Variants in MYO10 observed in about 807,000 individuals in gnomAD.
The protein encoded by MYO10 is myosin X, also known as unconventional myosin-X.
A neutral mutation model predicts 257.3 loss-of-function variants in MYO10; 133 were observed. That is an observed-to-expected ratio of 0.52 (90% CI 0.45 to 0.60). MYO10 has a LOEUF of 0.60. MYO10 is among the 20% of genes least tolerant of loss of function. MYO10 has a pLI of 0.00. For missense variants in MYO10, 2,399 were observed against 2,635.7 expected (o/e 0.91, Z 1.97); for synonymous variants, 1,104 against 1,028.6 (o/e 1.07, Z -1.40).
Position 16,662,794 on chromosome 5 carries a change from ATG to A in MYO10, c.*3896_*3897del, listed in dbSNP as rs1736027591. 1 of 152,080 alleles carries A rather than the reference ATG, an allele frequency of 6.6e-6. No individual in the cohort carries two copies. Among genetic ancestry groups the A allele is most frequent in the South Asian group, 2.1e-4 (1 of 4,816 alleles). The allele number at this position is 152,080 out of a possible 1,614,324, so 9.4% of individuals were successfully genotyped here. A position where few individuals can be genotyped will look rare whatever the true frequency, so the allele number is the denominator to read the frequency against. ...CATGCTGTTCTTGTCCATAGTGAGT[ATG>A]TCTCGGAAGAGCTAATGGTTTTATA... On this transcript the variant is annotated 3_prime_UTR_variant, in exon 41 of 41. Transcript: ENST00000513610.
chr5:16,767,446 T>A lies in MYO10; in HGVS notation c.1061-1248A>T, dbSNP rs146398377. On this transcript the variant is annotated intron_variant, in intron 10 of 40. Coordinates refer to ENST00000513610, the MANE Select transcript of MYO10 (RefSeq NM_012334.3). ...TGGCCTCCTAAAGAAAGTTCTGGGA[T>A]TACAGGTAGAAGCCACTGCGCCCAG... Among the ~76,000 whole-genome samples, 340 of 152,004 alleles carry A rather than the reference T, an allele frequency of 2.2e-3. 1 individual carries two copies. The highest frequency in any genetic ancestry group is 5.4e-3 in the Admixed American group (82 of 15,254).
rs749110038 is a variant in MYO10 at position 16,754,838 on chromosome 5, T to C, written c.1919A>G (p.Asn640Ser). 1 of 1,602,172 alleles carries C rather than the reference T, an allele frequency of 6.2e-7. No homozygotes were observed. The highest frequency in any genetic ancestry group is 1.1e-5 in the South Asian group (1 of 88,820). ...TGTCATCAATCTTACCTTCTGCATG[T>C]TTGGCTTGATACAGCGAACAAAGAA... ...NPFFVRCIKPNMQKMPDQFDQ... is the reference protein window; with the variant it reads ...NPFFVRCIKPSMQKMPDQFDQ... Residue 640 changes from asparagine to serine, a missense_variant, in exon 19 of 41, where the codon AAC (asparagine) becomes AGC (serine). This residue lies in a region of MYO10 where 1,820 missense variants were observed against 1,939.4 expected (regional missense o/e 0.94). Transcript: ENST00000513610.
At chr5:16,827,179 C>A (rs151284562) in intron 2 of MYO10, among the ~76,000 whole-genome samples, 56 of 152,316 alleles carry the variant, frequency 3.7e-4, no homozygotes, top group African/African-American at 1.3e-3. Context: ...TCACACAGGT[C>A]TACTCTGCTA....
intron 3 of MYO10, among the ~76,000 whole-genome samples, chr5:16,806,564 C>T (rs1187861164): frequency 1.3e-5 from 2 of 151,006 alleles, no homozygotes; most frequent in South Asian, 4.2e-4. Context: ...AGGAGAATGG[C>T]ATGAACCCAG....
intron 40 of MYO10, among the ~76,000 whole-genome samples, chr5:16,668,001 C>G (rs1251352661): frequency 1.3e-5 from 2 of 152,128 alleles, no homozygotes; most frequent in East Asian, 3.9e-4. Context: ...ACATCTATGT[C>G]ACTTCCCTTT....
chr5:16,749,412 G>A (rs747002232), intron 19 of MYO10, among the ~76,000 whole-genome samples: 8 of 151,746 alleles, frequency 5.3e-5, no homozygotes, highest in East Asian at 3.9e-4. Flanking sequence ...GCTTGAACCC[G>A]GGAGGTGGAG....
At position 16,781,846 on chromosome 5, in the gene MYO10, G is replaced by C. The variant is rs779164566; in HGVS notation, c.603-17C>G. 1.2e-6 allele frequency: 2 copies of C among 1,613,588 alleles called. No homozygotes were observed. Among genetic ancestry groups the C allele is most frequent in the Non-Finnish European group, 1.7e-6 (2 of 1,179,738 alleles). Reference sequence around the variant, plus strand: ...ATGATGGGGCTGTGAAGACAGTGAGGGCAGCAGACAGCATTAATAAGGGTG... The same window carrying C: ...ATGATGGGGCTGTGAAGACAGTGAGCGCAGCAGACAGCATTAATAAGGGTG... On this transcript the variant is annotated splice_polypyrimidine_tract_variant and intron_variant, in intron 5 of 40. Coordinates refer to ENST00000513610, the MANE Select transcript of MYO10 (RefSeq NM_012334.3).
intron 2 of MYO10, among the ~76,000 whole-genome samples, chr5:16,828,489 A>G (rs115730026): frequency 4.3e-4 from 66 of 152,058 alleles, no homozygotes; most frequent in African/African-American, 1.5e-3. Context: ...GCACAGTGTC[A>G]CATGCCTGTA....
In MYO10 at chr5:16,877,617, A is replaced by G; in HGVS notation, c.112T>C (p.Tyr38His). 6.2e-7 allele frequency: 1 copy of G among 1,612,404 alleles called. No homozygotes were observed. Among genetic ancestry groups the G allele is most frequent in the Non-Finnish European group, 8.5e-7 (1 of 1,178,584 alleles). The stretch of plus-strand genomic sequence containing the variant: ...CAGGGACTTGTTCTCACCTGACCAT[A>G]GTCTGTCCGGAAGACGACGATGCCT... ...AEGIVVFRTD[Y>H]GQVFTYKQST... The change falls in exon 2 of 41, where the codon TAT becomes CAT. Residue 38 changes from tyrosine (Y) to histidine (H), a missense_variant. Physicochemically the swap from Tyr to His is moderately conservative, Grantham distance 83 (BLOSUM62 2). This residue lies in a region of MYO10 where 242 missense variants were observed against 249.5 expected (regional missense o/e 0.97). Transcript: ENST00000513610.
At chr5:16,707,806 A>C (rs1738413899) in intron 21 of MYO10, among the ~76,000 whole-genome samples, 1 of 152,152 alleles carries the variant, frequency 6.6e-6, no homozygotes. Context: ...AATTCCTAGT[A>C]ATGCTTCTCC....
At chr5:16,715,928 T>C (rs1226696325) in intron 19 of MYO10, among the ~76,000 whole-genome samples, 1 of 151,976 alleles carries the variant, frequency 6.6e-6, no homozygotes, top group Non-Finnish European at 1.5e-5. Flanking sequence ...TGGTGGCATG[T>C]GCCTGTAGTC....
At chr5:16,852,203 TA>T (rs540945789) in intron 2 of MYO10, among the ~76,000 whole-genome samples, 74 of 147,678 alleles carry the variant, frequency 5.0e-4, no homozygotes, top group African/African-American at 1.8e-3. Flanking sequence ...TTAGGTACAT[TA>T]AAAGGACAAT....
intron 27 of MYO10, among the ~76,000 whole-genome samples, chr5:16,691,867 G>A (rs535840416): frequency 7.2e-5 from 11 of 152,226 alleles, no homozygotes; most frequent in African/African-American, 2.4e-4. Flanking sequence ...CAATTCACAA[G>A]AAACAAATGA....
chr5:16,769,197 T>C lies in MYO10; in HGVS notation c.937A>G (p.Met313Val). The change falls in exon 10 of 41, where the codon ATG becomes GTG. Residue 313 changes from methionine to valine, a missense_variant. Around this residue, in one of 3 missense-constraint regions of MYO10, gnomAD observed 337 missense variants for 446.8 expected, o/e 0.75. Transcript: ENST00000513610. ...TCCTTGCTGAACTGCATCACGTCCA[T>C]TGCCGTCTAGAAGAAAATAAATGTA... ...QESFREVITA[M>V]DVMQFSKEEV... 1 of 1,605,646 alleles carries C rather than the reference T, an allele frequency of 6.2e-7. No individual in the cohort carries two copies. Among genetic ancestry groups the C allele is most frequent in the South Asian group, 1.1e-5 (1 of 88,692 alleles).
intron 5 of MYO10, among the ~76,000 whole-genome samples, 197 bp from the exon 6 acceptor site, chr5:16,782,026 T>C (rs568549212): frequency 6.6e-6 from 1 of 152,334 alleles, no homozygotes; most frequent in Non-Finnish European, 1.5e-5. Flanking sequence ...CATATCCATC[T>C]TAGTGAGCGT....
At chr5:16,675,264 C>T (rs1736672699) in intron 34 of MYO10, 114 bp from the exon 35 acceptor site, 2 of 984,684 alleles carry the variant, frequency 2.0e-6, no homozygotes, top group East Asian at 2.6e-5. Flanking sequence ...GATGCAATGC[C>T]CACCACACTC....
chr5:16,701,087 G>C lies in MYO10; in HGVS notation c.3308C>G (p.Ser1103Cys), dbSNP rs979578497. Residue 1103 changes from serine (S) to cysteine (C), a missense_variant, in exon 25 of 41, where the codon TCC becomes TGC. Ser to Cys is a moderately radical substitution (Grantham distance 112). Around this residue, in one of 3 missense-constraint regions of MYO10, gnomAD observed 1,820 missense variants for 1,939.4 expected, o/e 0.94. Transcript: ENST00000513610. This position sits in a 1 kb window ranked among gnomAD's most constrained non-coding sequence, Gnocchi z 8.1. ...QDDYEDGAIT[S>C]GSSVTFSNSY... ...GTTGGAGAAGGTCACGCTGCTGCCG[G>C]AAGTGATGGCACCGTCCTCATAGTC... 7 of 1,582,976 alleles carry C rather than the reference G, an allele frequency of 4.4e-6. No individual in the cohort carries two copies. The East Asian group carries it at 1.6e-4, about 37-fold the overall frequency.
At chr5:16,894,973 C>T (rs1470633071) in intron 1 of MYO10, among the ~76,000 whole-genome samples, 2 of 152,182 alleles carry the variant, frequency 1.3e-5, no homozygotes, top group Non-Finnish European at 2.9e-5. Flanking sequence ...AACAGCTCTA[C>T]ACAATGAAAC....
rs146640168 is a variant in MYO10, at chr5:16,697,139, A to T, written c.3556+2311T>A. On this transcript the variant is annotated intron_variant, in intron 26 of 40. Coordinates refer to ENST00000513610, the MANE Select transcript of MYO10 (RefSeq NM_012334.3). Reference sequence around the variant, plus strand: ...ACAGTCCTACTAAAAGTCTCCCCTAAACCAAACCTTCTAGGGGTTTCATGA... The same window carrying T: ...ACAGTCCTACTAAAAGTCTCCCCTATACCAAACCTTCTAGGGGTTTCATGA... Among the ~76,000 whole-genome samples the T allele has an allele frequency of 1.5e-3, 232 of 152,172 alleles. 3 individuals are homozygous for T. The highest frequency in any genetic ancestry group is 5.3e-3 in the African/African-American group (219 of 41,526).
Sources: gnomAD v4.1 joint callset for allele counts (sites outside exome capture counted in the v4.1 genomes callset) on GRCh38, gnomAD v4.1.1 for gene constraint, gnomAD v4.1.1 regional missense constraint, Gnocchi (gnomAD v3.1) non-coding constraint, MANE v1.5 for transcripts, NCBI Gene and HGNC (gene_info 2026-07-23, HGNC 2026-07-21) for gene names.